PTPN14: variants seen among roughly 807,000 people sequenced by gnomAD.
The protein encoded by PTPN14 is protein tyrosine phosphatase non-receptor type 14.
A neutral mutation model predicts 126.8 loss-of-function variants in PTPN14; 53 were observed. The observed-to-expected ratio is 0.42, with a 90% CI of 0.34 to 0.53. The LOEUF is 0.53. Ranked by LOEUF, PTPN14 falls within the 20% of genes least tolerant of loss-of-function variation. The pLI is 0.08. For synonymous variants in PTPN14, 630 were observed against 599.3 expected (o/e 1.05, Z -0.75); for missense variants, 1,257 against 1,552.9 (o/e 0.81, Z 3.20).
rs1218626236 is a variant in PTPN14, at chr1:214,369,449, AC to A, written c.3271+7del. The A allele has an allele frequency of 6.2e-7, 1 of 1,609,834 alleles. No homozygotes were observed. The highest frequency in any genetic ancestry group is 8.5e-7 in the Non-Finnish European group (1 of 1,176,244). ...GTCAGGTAGCAGACTGGGAAGAAAAACACTTACATAAAAATCCTTGGACATC... is the reference window on the plus strand; with the variant it reads ...GTCAGGTAGCAGACTGGGAAGAAAAAACTTACATAAAAATCCTTGGACATC... On this transcript the variant is annotated splice_region_variant and intron_variant, in intron 17 of 18. Coordinates refer to ENST00000366956, the MANE Select transcript of PTPN14 (RefSeq NM_005401.5).
chr1:214,526,431 C>T lies in PTPN14; in HGVS notation c.-155+24752G>A, dbSNP rs141033032. Among the ~76,000 whole-genome samples the T allele has an allele frequency of 5.6e-3, 851 of 152,032 alleles. 9 individuals are homozygous for T. Among genetic ancestry groups the T allele is most frequent in the African/African-American group, 0.018 (735 of 41,450 alleles). On this transcript the variant is annotated intron_variant, in intron 1 of 18. Coordinates refer to ENST00000366956, the MANE Select transcript of PTPN14 (RefSeq NM_005401.5). The stretch of plus-strand genomic sequence containing the variant: ...CAGATAGGAATTAAAGGAAAAATGC[C>T]ATTTGAATATATTCAATTGCCAATA...
rs187221602 is a variant in PTPN14, at chr1:214,494,899, G to T, written c.-154-29942C>A. On this transcript the variant is annotated intron_variant, in intron 1 of 18. Transcript: ENST00000366956. Reference sequence around the variant, plus strand: ...ATCTTCACCACAAGTGAACCTGAGGGAAGGAGATGCCTGAAAGACCTGGAA... The same window carrying T: ...ATCTTCACCACAAGTGAACCTGAGGTAAGGAGATGCCTGAAAGACCTGGAA... Among the ~76,000 whole-genome samples, 505 of 152,280 alleles carry T rather than the reference G, an allele frequency of 3.3e-3. 2 individuals are homozygous for T. Among genetic ancestry groups the T allele is most frequent in the African/African-American group, 0.012 (496 of 41,530 alleles).
chr1:214,429,554 T>C (rs1659750144), intron 3 of PTPN14, among the ~76,000 whole-genome samples: 1 of 152,248 alleles, frequency 6.6e-6, no homozygotes, highest in Non-Finnish European at 1.5e-5. Context: ...TCATCTGTTT[T>C]GTTCAGTGCT....
At chr1:214,516,396 A>C (rs1489046788) in intron 1 of PTPN14, among the ~76,000 whole-genome samples, 2 of 152,246 alleles carry the variant, frequency 1.3e-5, no homozygotes, top group African/African-American at 2.4e-5. Context: ...GGCAGTGACC[A>C]GTGAGAGACA....
chr1:214,494,149 C>T (rs1661310053), intron 1 of PTPN14, among the ~76,000 whole-genome samples: 2 of 152,144 alleles, frequency 1.3e-5, no homozygotes, highest in South Asian at 4.1e-4. Flanking sequence ...CAGCTCACTG[C>T]AAGCTCCGCC....
intron 1 of PTPN14, among the ~76,000 whole-genome samples, chr1:214,485,344 T>C (rs1261901273): frequency 2.0e-5 from 3 of 152,222 alleles, no homozygotes; most frequent in Non-Finnish European, 4.4e-5. Flanking sequence ...GGAATGCTTC[T>C]AGCGGAAGGA....
At chr1:214,449,183 T>C (rs941233486) in intron 3 of PTPN14, among the ~76,000 whole-genome samples, 1 of 151,064 alleles carries the variant, frequency 6.6e-6, no homozygotes, top group African/African-American at 2.4e-5. Flanking sequence ...ATTTTTTGTA[T>C]TTTTAGTAGA....
intron 1 of PTPN14, among the ~76,000 whole-genome samples, chr1:214,509,247 C>G (rs544687680): frequency 6.6e-6 from 1 of 152,354 alleles, no homozygotes; most frequent in Non-Finnish European, 1.5e-5. Context: ...TAGCCACCTT[C>G]ATCAGTGATC....
chr1:214,537,542 C>A (rs1244671324), intron 1 of PTPN14, among the ~76,000 whole-genome samples: 1 of 152,220 alleles, frequency 6.6e-6, no homozygotes. Context: ...GCTTACTTCA[C>A]AGGGTTGCCG....
intron 4 of PTPN14, 148 bp downstream of exon 4, chr1:214,414,481 G>T: frequency 2.6e-6 from 2 of 757,118 alleles, no homozygotes; most frequent in Non-Finnish European, 4.3e-6. Flanking sequence ...CACTAACTTT[G>T]CATTTTTCAC....
chr1:214,490,496 A>T (rs1571617815), intron 1 of PTPN14, among the ~76,000 whole-genome samples: 1 of 152,156 alleles, frequency 6.6e-6, no homozygotes, highest in East Asian at 1.9e-4. Context: ...TTGTGTATGC[A>T]TAAATGAGAA....
intron 7 of PTPN14, among the ~76,000 whole-genome samples, chr1:214,401,362 T>C (rs150674249): frequency 2.6e-5 from 4 of 152,378 alleles, no homozygotes; most frequent in South Asian, 4.1e-4. Flanking sequence ...TCTTCATTAA[T>C]GTTACACATG....
At chr1:214,545,322 T>C (rs1655942947) in intron 1 of PTPN14, among the ~76,000 whole-genome samples, 1 of 152,136 alleles carries the variant, frequency 6.6e-6, no homozygotes, top group African/African-American at 2.4e-5. Context: ...GGTGCTGGTA[T>C]TTGGCCAGGG....
chr1:214,526,652 C>T (rs191361727), intron 1 of PTPN14, among the ~76,000 whole-genome samples: 2 of 152,144 alleles, frequency 1.3e-5, no homozygotes, highest in Non-Finnish European at 2.9e-5. Context: ...GGCCCAAACA[C>T]AGCAGAGAAG....
chr1:214,377,858 T>G lies in PTPN14; in HGVS notation c.2688+101A>C, dbSNP rs910740972. ...TCCTAATCTCAGATTGAAGAAAGAATGCATCACACAAATCTCAATGCTGGC... is the reference window on the plus strand; with the variant it reads ...TCCTAATCTCAGATTGAAGAAAGAAGGCATCACACAAATCTCAATGCTGGC... On this transcript the variant is annotated intron_variant, in intron 14 of 18. Transcript: ENST00000366956. 1.1e-5 allele frequency: 15 copies of G among 1,355,566 alleles called. No individual in the cohort carries two copies. In the African/African-American group the frequency reaches 2.2e-4, roughly 20 times the overall value. 84.0% of individuals were successfully genotyped at this position (1,355,566 alleles called of 1,614,324 possible).
chr1:214,350,458 A>G lies in PTPN14; in HGVS notation c.*7464T>C, dbSNP rs1045939726. 2 of 152,084 alleles carry G rather than the reference A, an allele frequency of 1.3e-5. No individual in the cohort carries two copies. Among genetic ancestry groups the G allele is most frequent in the Admixed American group, 6.6e-5 (1 of 15,246 alleles). 9.4% of individuals were successfully genotyped at this position (152,084 alleles called of 1,614,324 possible). A position where few individuals can be genotyped will look rare whatever the true frequency, so the allele number is the denominator to read the frequency against. On this transcript the variant is annotated 3_prime_UTR_variant, in exon 19 of 19. Transcript: ENST00000366956. ...ACTGATTCTATCGGCAAGGGAACAA[A>G]AGGGTGAGAAAGGGAGCTTCCTGCT...
chr1:214,427,995 T>C (rs1456139419), intron 3 of PTPN14, among the ~76,000 whole-genome samples: 2 of 152,156 alleles, frequency 1.3e-5, no homozygotes, highest in African/African-American at 2.4e-5. Flanking sequence ...ACAAAAGGCC[T>C]CGCAGGGCAC....
At chr1:214,385,827 G>A (rs1327549418) in intron 12 of PTPN14, among the ~76,000 whole-genome samples, 8 of 152,132 alleles carry the variant, frequency 5.3e-5, no homozygotes, top group African/African-American at 1.2e-4. Context: ...CAAATGTGCC[G>A]CAATTTATCC....
rs1457207279 is a variant in PTPN14 at position 214,352,511 on chromosome 1, C to G, written c.*5411G>C. ...GCAGAATTTGATGAGATTTCCCCCA[C>G]ATTTCTCCCTGGCACGTTGCTGTTA... On this transcript the variant is annotated 3_prime_UTR_variant, in exon 19 of 19. Transcript: ENST00000366956. 1 of 152,270 alleles carries G rather than the reference C, an allele frequency of 6.6e-6. No homozygotes were observed. The highest frequency in any genetic ancestry group is 1.5e-5 in the Non-Finnish European group (1 of 68,060). 9.4% of individuals were successfully genotyped at this position (152,270 alleles called of 1,614,324 possible). A position where few individuals can be genotyped will look rare whatever the true frequency, so the allele number is the denominator to read the frequency against.
Sources: gnomAD v4.1 joint callset for allele counts (sites outside exome capture counted in the v4.1 genomes callset) on GRCh38, gnomAD v4.1.1 for gene constraint, MANE v1.5 for transcripts, NCBI Gene and HGNC (gene_info 2026-07-23, HGNC 2026-07-21) for gene names.